The following POLA2 variants were observed in gnomAD, a reference collection of about 807,000 sequenced individuals.
The protein encoded by POLA2 is DNA polymerase alpha 2, accessory subunit.
In POLA2, 47 loss-of-function variants were observed where a neutral mutation model predicts 82.8. That is an observed-to-expected ratio of 0.57 (90% CI 0.45 to 0.72). The LOEUF (loss-of-function observed/expected upper bound fraction) is 0.72. POLA2 is among the 30% of genes least tolerant of loss of function. The pLI, the probability that POLA2 is intolerant of heterozygous loss-of-function variation, is 0.00. For missense variants in POLA2, 634 were observed against 728.1 expected, an observed-to-expected ratio of 0.87 and a Z score of 1.49; for synonymous variants, 287 against 286.8, an observed-to-expected ratio of 1.00 and a Z score of -0.01.
chr11:65,263,217 T>TCC (rs1487498293), intron 1 of POLA2, among the ~76,000 whole-genome samples: 22 of 144,662 alleles, frequency 1.5e-4, no homozygotes, highest in African/African-American at 5.5e-4. Flanking sequence ...CTTCTCTCTC[T>TCC]CTCTTTTTTT....
intron 15 of POLA2, 108 bp from the exon 16 acceptor site, chr11:65,295,432 G>A: frequency 1.1e-6 from 1 of 934,056 alleles, no homozygotes; most frequent in Middle Eastern, 2.1e-4. Flanking sequence ...TTGTTGCTGT[G>A]CCTTGGCCAT....
downstream of POLA2, among the ~76,000 whole-genome samples, chr11:65,300,989 C>G (rs118127139): frequency 6.6e-6 from 1 of 152,218 alleles, no homozygotes; most frequent in African/African-American, 2.4e-5. Context: ...TATGGCTATA[C>G]GGTATTTTAT....
intron 7 of POLA2, chr11:65,280,648 GTAGT>G: frequency 3.8e-6 from 1 of 263,702 alleles, no homozygotes; most frequent in Non-Finnish European, 7.3e-6. Flanking sequence ...CTATTATTAA[GTAGT>G]TATAGCTGCC....
chr11:65,291,318 A>G (rs549672514), intron 13 of POLA2, among the ~76,000 whole-genome samples: 14 of 152,368 alleles, frequency 9.2e-5, no homozygotes, highest in Admixed American at 7.8e-4. Flanking sequence ...CCCAGAATCA[A>G]TAAGTTGTAA....
Position 65,294,269 on chromosome 11 carries a change from C to A in POLA2, c.1353+8C>A. ...TCTCGAGAGGACAAAAAGGTAGCAG[C>A]ACCCACTCCTTGACCAGCAGGCAGC... On this transcript the variant is annotated splice_region_variant and intron_variant, in intron 14 of 17. Transcript: ENST00000265465. 2 of 1,604,556 alleles carry A rather than the reference C, an allele frequency of 1.2e-6. No individual in the cohort carries two copies.
At chr11:65,271,595 C>T (rs1392750183) in intron 4 of POLA2, among the ~76,000 whole-genome samples, 1 of 152,108 alleles carries the variant, frequency 6.6e-6, no homozygotes, top group Non-Finnish European at 1.5e-5. Context: ...TGCAGTGGCT[C>T]ACACCTGTAA....
At chr11:65,278,653 C>A in intron 5 of POLA2, 77 bp from the exon 6 acceptor site, 1 of 1,249,078 alleles carries the variant, frequency 8.0e-7, no homozygotes, top group Non-Finnish European at 1.1e-6. Flanking sequence ...TCCCCATTTC[C>A]AAAGGTAACC....
chr11:65,295,625 CTG>C, intron 16 of POLA2, 26 bp downstream of exon 16: 8 of 1,596,860 alleles, frequency 5.0e-6, no homozygotes, highest in Non-Finnish European at 6.9e-6. Flanking sequence ...GGACCCCTGA[CTG>C]TGGAGAGAGT....
intron 11 of POLA2, 106 bp from the exon 12 acceptor site, chr11:65,288,944 C>A: frequency 9.4e-7 from 1 of 1,059,306 alleles, no homozygotes; most frequent in Non-Finnish European, 1.4e-6. Context: ...CTTGGAGGGA[C>A]AGATGAGCCC....
intron 15 of POLA2, 136 bp downstream of exon 15, chr11:65,294,788 T>C: frequency 1.7e-6 from 1 of 589,642 alleles, no homozygotes. Context: ...TGCCAGACCC[T>C]CTAGCCATCT....
chr11:65,281,047 A>G lies in POLA2; in HGVS notation c.800A>G (p.Asn267Ser), dbSNP rs1348084530. 1 of 1,614,144 alleles carries G rather than the reference A, an allele frequency of 6.2e-7. No individual in the cohort carries two copies. Among genetic ancestry groups the G allele is most frequent in the East Asian group, 2.2e-5 (1 of 44,894 alleles). The change falls in exon 8 of 18, where the codon AAC becomes AGC. Residue 267 changes from asparagine (N) to serine (S), a missense_variant. Coordinates refer to ENST00000265465, the MANE Select transcript of POLA2 (RefSeq NM_002689.4). ...IGCDSNGKLN[N>S]KSVILEGDRE... Reference sequence around the variant, plus strand: ...TGTGATAGCAACGGGAAGCTGAACAACAAGTCAGTGATTCTCGAGGGAGAC... The same window carrying G: ...TGTGATAGCAACGGGAAGCTGAACAGCAAGTCAGTGATTCTCGAGGGAGAC...
chr11:65,271,838 G>GAAA (rs1213411869), intron 4 of POLA2, among the ~76,000 whole-genome samples: 8 of 83,328 alleles, frequency 9.6e-5, no homozygotes, highest in African/African-American at 3.4e-4. Context: ...GACTCCGTCT[G>GAAA]AAAAAAAAAA....
At chr11:65,288,529 T>TG (rs1390549828) in intron 11 of POLA2, among the ~76,000 whole-genome samples, 19 of 148,674 alleles carry the variant, frequency 1.3e-4, no homozygotes, top group African/African-American at 2.5e-4. Flanking sequence ...TTTTTTTTTT[T>TG]GGGACAGAGT....
At chr11:65,305,030 T>TCC (rs1949879706) in intron 8 of POLA2, among the ~76,000 whole-genome samples, 1 of 119,578 alleles carries the variant, frequency 8.4e-6, no homozygotes, top group African/African-American at 3.3e-5. Context: ...TGGGCCTGAC[T>TCC]CCCCCTTCTT....
intron 13 of POLA2, among the ~76,000 whole-genome samples, chr11:65,293,429 G>A (rs2137586029): frequency 6.6e-6 from 1 of 152,164 alleles, no homozygotes; most frequent in East Asian, 1.9e-4. Context: ...GGCCAACATG[G>A]TGAAACCCTA....
chr11:65,269,354 G>T (rs1351806355), intron 4 of POLA2, among the ~76,000 whole-genome samples: 1 of 152,140 alleles, frequency 6.6e-6, no homozygotes, highest in Admixed American at 6.6e-5. Context: ...GGGCGTGGTG[G>T]TGGGCGCCTG....
chr11:65,272,288 G>A (rs1341837971), intron 4 of POLA2, among the ~76,000 whole-genome samples: 1 of 152,022 alleles, frequency 6.6e-6, no homozygotes, highest in Non-Finnish European at 1.5e-5. Flanking sequence ...CAGCCTGGGC[G>A]AGAAAGTGAG....
chr11:65,269,486 C>CA lies in POLA2; in HGVS notation c.354+774dup, dbSNP rs1294987727. On this transcript the variant is annotated intron_variant, in intron 4 of 17. Transcript: ENST00000265465. ...TGGGCGACAGAGCGAGACTCCGTCT[C>CA]AAAAAAAAAAAAAAAAACAACAACA... 4.2e-3 allele frequency among the ~76,000 whole-genome samples: 420 copies of CA among 99,738 alleles called. 2 individuals are homozygous for CA. The highest frequency in any genetic ancestry group is 9.8e-3 in the African/African-American group (200 of 20,348). The allele number at this position is 99,738 out of a possible 152,430, so 65.4% of individuals were successfully genotyped here. A position where few individuals can be genotyped will look rare whatever the true frequency, so the allele number is the denominator to read the frequency against.
At chr11:65,285,021 G>T (rs988226622) in intron 10 of POLA2, among the ~76,000 whole-genome samples, 1 of 152,116 alleles carries the variant, frequency 6.6e-6, no homozygotes, top group Admixed American at 6.6e-5. Context: ...TTGGCCGGGC[G>T]TGGTGGCTCA....
Sources: allele counts gnomAD v4.1 joint callset (sites outside exome capture counted in the v4.1 genomes callset), GRCh38; gene constraint gnomAD v4.1.1; transcripts MANE v1.5; gene names NCBI Gene and HGNC (gene_info 2026-07-23, HGNC 2026-07-21).